The following NRXN1 variants were observed in gnomAD, a reference collection of about 807,000 sequenced individuals.
The protein encoded by NRXN1 is neurexin 1, also known as neurexin-1.
NRXN1 carries 39 observed loss-of-function variants against 150.9 expected under a neutral mutation model. That is an observed-to-expected ratio of 0.26 (90% confidence interval 0.20 to 0.34). The LOEUF (loss-of-function observed/expected upper bound fraction) is 0.34, where lower values mean the gene tolerates loss of function less well. NRXN1 is among the 10% of genes least tolerant of loss of function. The pLI, the probability that NRXN1 is intolerant of heterozygous loss-of-function variation, is 1.00. For missense variants in NRXN1, 1,815 were observed against 1,949.9 expected (o/e 0.93, Z 1.30); for synonymous variants, 924 against 757.0 (o/e 1.22, Z -3.62).
At chr2:50,253,270 A>C (rs768738292) in intron 17 of NRXN1, among the ~76,000 whole-genome samples, 54 of 152,172 alleles carry the variant, frequency 3.5e-4, no homozygotes, top group Non-Finnish European at 6.2e-4. Flanking sequence ...TTGTATCTTG[A>C]GACTTTGCTG....
At chr2:50,365,829 C>T (rs1029688489) in intron 17 of NRXN1, among the ~76,000 whole-genome samples, 6 of 152,014 alleles carry the variant, frequency 3.9e-5, no homozygotes, top group Admixed American at 6.6e-5. Context: ...TCTTGCTTTA[C>T]ATATAACTGG....
intron 21 of NRXN1, among the ~76,000 whole-genome samples, chr2:49,949,322 G>A (rs1310539914): frequency 1.3e-5 from 2 of 151,814 alleles, no homozygotes; most frequent in African/African-American, 4.8e-5. Flanking sequence ...ATTAATGGTG[G>A]AATTTTCTGT....
intron 5 of NRXN1, among the ~76,000 whole-genome samples, chr2:50,732,950 T>C (rs566391032): frequency 4.5e-4 from 69 of 152,328 alleles, no homozygotes; most frequent in Non-Finnish European, 8.8e-4. Flanking sequence ...ATGATTTGTG[T>C]ATTGTAACAA....
At chr2:50,502,392 A>G (rs2091992748) in intron 13 of NRXN1, among the ~76,000 whole-genome samples, 1 of 152,128 alleles carries the variant, frequency 6.6e-6, no homozygotes. Context: ...CAGAACTACT[A>G]TAACTGCCCT....
chr2:50,736,951 T>A (rs1413366093), intron 5 of NRXN1, among the ~76,000 whole-genome samples: 2 of 152,124 alleles, frequency 1.3e-5, no homozygotes, highest in Non-Finnish European at 2.9e-5. Context: ...TATAGTGGTA[T>A]CTTGAATTAA....
chr2:50,561,034 T>C (rs1447514021), intron 8 of NRXN1, among the ~76,000 whole-genome samples: 1 of 151,978 alleles, frequency 6.6e-6, no homozygotes, highest in African/African-American at 2.4e-5. Context: ...AAGAGAAAAA[T>C]ATTTTTACCT....
At chr2:50,269,602 T>C (rs2069315207) in intron 17 of NRXN1, among the ~76,000 whole-genome samples, 1 of 152,224 alleles carries the variant, frequency 6.6e-6, no homozygotes, top group South Asian at 2.1e-4. Flanking sequence ...ATTAATTTTA[T>C]AGCTAGAAGT....
intron 17 of NRXN1, among the ~76,000 whole-genome samples, chr2:50,256,298 T>G (rs1406083286): frequency 6.6e-6 from 1 of 152,164 alleles, no homozygotes; most frequent in East Asian, 1.9e-4. Flanking sequence ...TTTTACCCAT[T>G]AAACATATTT....
intron 18 of NRXN1, among the ~76,000 whole-genome samples, chr2:50,106,778 C>G (rs1701703209): frequency 6.6e-6 from 1 of 151,764 alleles, no homozygotes; most frequent in African/African-American, 2.4e-5. Flanking sequence ...AAAGATTTTT[C>G]AAGAAAGATT....
chr2:50,455,285 G>C (rs532334593), intron 17 of NRXN1, among the ~76,000 whole-genome samples: 3 of 152,288 alleles, frequency 2.0e-5, no homozygotes, highest in Non-Finnish European at 4.4e-5. Flanking sequence ...ATAAATGAGA[G>C]ATAATACTGA....
chr2:50,872,537 T>C (rs1161114878), intron 5 of NRXN1, among the ~76,000 whole-genome samples: 1 of 151,704 alleles, frequency 6.6e-6, no homozygotes, highest in Admixed American at 6.6e-5. Context: ...AAAGTAGAGG[T>C]TGACGGGGCT....
chr2:50,797,905 T>C (rs1384765342), intron 5 of NRXN1, among the ~76,000 whole-genome samples: 1 of 152,174 alleles, frequency 6.6e-6, no homozygotes, highest in Non-Finnish European at 1.5e-5. Flanking sequence ...CAGTGTAAGC[T>C]AAAAGAACAG....
intron 18 of NRXN1, among the ~76,000 whole-genome samples, chr2:50,098,426 A>G (rs1452957607): frequency 1.3e-5 from 2 of 152,054 alleles, no homozygotes; most frequent in Non-Finnish European, 2.9e-5. Flanking sequence ...GGAGCAAACC[A>G]GCATTTGGAC....
chr2:50,190,991 A>T (rs1327247020), intron 18 of NRXN1, among the ~76,000 whole-genome samples: 2 of 151,892 alleles, frequency 1.3e-5, no homozygotes, highest in Non-Finnish European at 2.9e-5. Flanking sequence ...GAATCACAGA[A>T]AGTTGTGAAA....
rs549605798 is a variant in NRXN1, at chr2:49,948,731, TG to T, written c.4129-4941del. ...CTGCTATGACTTGCTGTTGAGAGAG[TG>T]GTAGAAAGAAACTCAAATATGTCAC... On this transcript the variant is annotated intron_variant, in intron 21 of 22. Transcript: ENST00000401669. 5.3e-5 allele frequency among the ~76,000 whole-genome samples: 8 copies of T among 152,058 alleles called. 1 individual carries two copies. In the South Asian group the frequency reaches 1.7e-3, roughly 32 times the overall value.
intron 17 of NRXN1, among the ~76,000 whole-genome samples, chr2:50,410,418 C>A (rs1200135287): frequency 3.3e-5 from 5 of 152,200 alleles, no homozygotes; most frequent in African/African-American, 1.2e-4. Context: ...ATCTGCCTCT[C>A]AGAAGTATGC....
In NRXN1 at chr2:50,248,658, T is replaced by A. The variant is rs528901084; in HGVS notation, c.3365-11688A>T. ...ATTTAATTCTTTTATCATAATGTCA[T>A]TGTAAATATCATTGAAATTCTTATG... On this transcript the variant is annotated intron_variant, in intron 17 of 22. Transcript: ENST00000401669. Among the ~76,000 whole-genome samples the A allele has an allele frequency of 7.2e-5, 11 of 152,294 alleles. No homozygotes were observed. The South Asian group carries it at 2.3e-3, about 32-fold the overall frequency.
Position 49,988,305 on chromosome 2 carries a change from A to C in NRXN1, c.4129-44514T>G, listed in dbSNP as rs78222258. 2.6e-3 allele frequency among the ~76,000 whole-genome samples: 396 copies of C among 151,752 alleles called. 2 individuals carry two copies. The highest frequency in any genetic ancestry group is 6.8e-3 in the Middle Eastern group (2 of 294). ...TGGTAATCAGATAATTATTCTGACT[A>C]TTCTATCAGAAAAAAAAAAAACTGT... On this transcript the variant is annotated intron_variant, in intron 21 of 22. Coordinates refer to ENST00000401669, the MANE Select transcript of NRXN1 (RefSeq NM_001330078.2).
At position 50,091,438 on chromosome 2, in the gene NRXN1, T is replaced by C. The variant is rs368463188; in HGVS notation, c.3603A>G (p.Glu1201=). ...CATCATTAATGATTGCATTGGATTC[T>C]TCAATGGCGATGTCATCTGTCCCAA... ...FNVGTDDIAI[E]ESNAIINDGK... Residue 1201 remains glutamate, a synonymous_variant, in exon 19 of 23, where the codon GAA becomes GAG. Transcript: ENST00000401669. 1.5e-5 allele frequency: 24 copies of C among 1,614,072 alleles called. No individual in the cohort carries two copies. Among genetic ancestry groups the C allele is most frequent in the African/African-American group, 4.0e-5 (3 of 74,928 alleles).
Sources: allele counts gnomAD v4.1 joint callset (sites outside exome capture counted in the v4.1 genomes callset), GRCh38; gene constraint gnomAD v4.1.1; transcripts MANE v1.5; gene names NCBI Gene and HGNC (gene_info 2026-07-23, HGNC 2026-07-21).